Variants in TBXA2R observed in about 807,000 individuals in gnomAD.
The protein encoded by TBXA2R is prostanoid TP receptor.
TBXA2R carries 15 observed loss-of-function variants against 15.6 expected under a neutral mutation model. The observed-to-expected ratio is 0.96, with a 90% CI of 0.64 to 1.48. The LOEUF is 1.48. Ranked by LOEUF, TBXA2R falls within the 40% of genes most tolerant of loss-of-function variation. The pLI, the probability that TBXA2R is intolerant of heterozygous loss-of-function variation, is 0.00. For synonymous variants in TBXA2R, 280 were observed against 241.2 expected (o/e 1.16, Z -1.49); for missense variants, 506 against 491.4 (o/e 1.03, Z -0.28).
chr19:3,600,597 C>A lies in TBXA2R; in HGVS notation c.38G>T (p.Arg13Leu). 6.2e-7 allele frequency: 1 copy of A among 1,612,492 alleles called. No individual in the cohort carries two copies. The highest frequency in any genetic ancestry group is 8.5e-7 in the Non-Finnish European group (1 of 1,179,622). ...CTCCTCCAGGGTAATGTTTGTGGGC[C>A]GGAAACAGGGCCCCAGGGAACTGCC... ...PNGSSLGPCF[R>L]PTNITLEERR... is the part of the protein sequence containing the mutation. The change falls in exon 2 of 3, where the codon CGG (arginine) becomes CTG (leucine). Residue 13 changes from arginine (R) to leucine (L), a missense_variant. By Grantham distance (102) the Arg-to-Leu change is moderately radical. Transcript: ENST00000375190.
In TBXA2R at chr19:3,600,393, G is replaced by C; in HGVS notation, c.242C>G (p.Thr81Ser). ...VLTDFLGLLV[T>S]GTIVVSQHAA... ...GTGCTGGGACACCACGATGGTACCG[G>C]TCACCAGCAGCCCCAGGAAGTCGGT... The change falls in exon 2 of 3, where the codon ACC (threonine) becomes AGC (serine). Residue 81 changes from threonine to serine, a missense_variant. Coordinates refer to ENST00000375190, the MANE Select transcript of TBXA2R (RefSeq NM_001060.6). 1 of 1,613,408 alleles carries C rather than the reference G, an allele frequency of 6.2e-7. No individual in the cohort carries two copies. Among genetic ancestry groups the C allele is most frequent in the South Asian group, 1.1e-5 (1 of 91,090 alleles).
intron 1 of TBXA2R, among the ~76,000 whole-genome samples, chr19:3,603,600 C>CA (rs1166334922): frequency 7.2e-5 from 11 of 152,184 alleles, no homozygotes; most frequent in African/African-American, 2.7e-4. Flanking sequence ...GAGCAACTTC[C>CA]AGTCCCTCCT....
In TBXA2R at chr19:3,594,834, A is replaced by G. The variant is rs200342215; in HGVS notation, c.*854T>C. The G allele has an allele frequency of 2.0e-6, 3 of 1,536,014 alleles. No homozygotes were observed. Among genetic ancestry groups the G allele is most frequent in the Non-Finnish European group, 2.6e-6 (3 of 1,146,254 alleles). On this transcript the variant is annotated 3_prime_UTR_variant, in exon 3 of 3. Coordinates refer to ENST00000375190, the MANE Select transcript of TBXA2R (RefSeq NM_001060.6). ...AAGAAAAGGGGGTGCCCCCGTTCAC[A>G]TTCAATCCTTTCTGGACAGAGCCTT...
intron 2 of TBXA2R, among the ~76,000 whole-genome samples, 159 bp from the exon 3 acceptor site, chr19:3,596,092 G>C (rs768597286): frequency 6.6e-6 from 1 of 152,098 alleles, no homozygotes; most frequent in African/African-American, 2.4e-5. Flanking sequence ...GCAGTGGTGC[G>C]ATCTCAGCTC....
In TBXA2R at chr19:3,594,775, G is replaced by A. The variant is rs796297811; in HGVS notation, c.*913C>T. ...AGATTGAAAACTTCTGGACCCAAAG[G>A]AAAATAAAACCAAAGGCAGAGATAT... On this transcript the variant is annotated 3_prime_UTR_variant, in exon 3 of 3. Coordinates refer to ENST00000375190, the MANE Select transcript of TBXA2R (RefSeq NM_001060.6). 31 of 1,439,394 alleles carry A rather than the reference G, an allele frequency of 2.2e-5. No individual in the cohort carries two copies. In the African/African-American group the frequency reaches 3.1e-4, roughly 14 times the overall value. 89.2% of individuals were successfully genotyped at this position (1,439,394 alleles called of 1,614,324 possible). A position where few individuals can be genotyped will look rare whatever the true frequency, so the allele number is the denominator to read the frequency against.
In TBXA2R at chr19:3,597,091, C is replaced by G. The variant is rs145061524; in HGVS notation, c.787-1158G>C. Among the ~76,000 whole-genome samples the G allele has an allele frequency of 7.0e-3, 1,061 of 151,618 alleles. 19 individuals carry two copies. Among genetic ancestry groups the G allele is most frequent in the African/African-American group, 0.025 (1,019 of 41,354 alleles). Reference sequence around the variant, plus strand: ...AGTAGCTGGGATTACAGGCATGCACCACCACATCTGGCTGATTTTTTTGTA... The same window carrying G: ...AGTAGCTGGGATTACAGGCATGCACGACCACATCTGGCTGATTTTTTTGTA... On this transcript the variant is annotated intron_variant, in intron 2 of 2. Coordinates refer to ENST00000375190, the MANE Select transcript of TBXA2R (RefSeq NM_001060.6).
rs201773530 is a variant in TBXA2R, at chr19:3,600,386, G to C, written c.249C>G (p.Thr83=). The change falls in exon 2 of 3, where the codon ACC becomes ACG. Residue 83 remains threonine (T), a synonymous_variant. Coordinates refer to ENST00000375190, the MANE Select transcript of TBXA2R (RefSeq NM_001060.6). ...TDFLGLLVTG[T]IVVSQHAALF... ...GCGCGGCGTGCTGGGACACCACGATGGTACCGGTCACCAGCAGCCCCAGGA... is the reference window on the plus strand; with the variant it reads ...GCGCGGCGTGCTGGGACACCACGATCGTACCGGTCACCAGCAGCCCCAGGA... 6.2e-7 allele frequency: 1 copy of C among 1,613,446 alleles called. No individual in the cohort carries two copies. The highest frequency in any genetic ancestry group is 8.5e-7 in the Non-Finnish European group (1 of 1,179,778).
intron 1 of TBXA2R, 107 bp from the exon 2 acceptor site, chr19:3,600,824 C>T (rs1051374240): frequency 2.8e-5 from 12 of 429,422 alleles, no homozygotes; most frequent in South Asian, 1.4e-4. Context: ...ATATCCTCTC[C>T]GGTTTTTTTT....
rs1599873026 is a variant in TBXA2R, at chr19:3,600,201, G to A, written c.434C>T (p.Ser145Leu). The A allele has an allele frequency of 6.3e-7, 1 of 1,599,714 alleles. No individual in the cohort carries two copies. The change falls in exon 2 of 3, where the codon TCG (serine) becomes TTG (leucine). Residue 145 changes from serine to leucine, a missense_variant. Ser to Leu is a moderately radical substitution (Grantham distance 145). Coordinates refer to ENST00000375190, the MANE Select transcript of TBXA2R (RefSeq NM_001060.6). ...CACGGTGGCCCAGGCGCGGCGCTGC[G>A]AGGCGACCGCCGGGCGCGAGAAGGG... ...TRPFSRPAVASQRRAWATVGL... is the reference protein window; with the variant it reads ...TRPFSRPAVALQRRAWATVGL...
rs1410679988 is a variant in TBXA2R at position 3,600,327 on chromosome 19, C to T, written c.308G>A (p.Arg103His). ...GACGACGCCCATGAAGCGACAGAGA[C>T]GGCAGCCAGGGTCCACGGCGTGCCA... is the stretch of plus-strand genomic sequence containing the variant. The part of the protein sequence containing the change: ...FEWHAVDPGC[R>H]LCRFMGVVMI... The change falls in exon 2 of 3, where the codon CGT becomes CAT. Residue 103 changes from arginine to histidine, a missense_variant. By Grantham distance (29) the Arg-to-His change is conservative. Coordinates refer to ENST00000375190, the MANE Select transcript of TBXA2R (RefSeq NM_001060.6). 11 of 1,613,084 alleles carry T rather than the reference C, an allele frequency of 6.8e-6. No individual in the cohort carries two copies. Among genetic ancestry groups the T allele is most frequent in the Middle Eastern group, 1.6e-4 (1 of 6,082 alleles).
chr19:3,599,576 C>T (rs931594542), intron 2 of TBXA2R, among the ~76,000 whole-genome samples: 6 of 151,718 alleles, frequency 4.0e-5, no homozygotes, highest in African/African-American at 1.5e-4. Context: ...ATGATCCGCC[C>T]GCCTCGGCCT....
Position 3,595,075 on chromosome 19 carries a change from G to A in TBXA2R, c.*613C>T, listed in dbSNP as rs1400975956. ...AGGCTGGGCCACAGAGTGAGACTCCGTCTAAAAAAAAAAAAAAAAATGGCC... is the reference window on the plus strand; with the variant it reads ...AGGCTGGGCCACAGAGTGAGACTCCATCTAAAAAAAAAAAAAAAAATGGCC... On this transcript the variant is annotated 3_prime_UTR_variant, in exon 3 of 3. Transcript: ENST00000375190. 1.6e-5 allele frequency: 10 copies of A among 626,416 alleles called. No homozygotes were observed. Among genetic ancestry groups the A allele is most frequent in the Admixed American group, 9.2e-5 (3 of 32,722 alleles). 38.8% of individuals were successfully genotyped at this position (626,416 alleles called of 1,614,324 possible). A position where few individuals can be genotyped will look rare whatever the true frequency, so the allele number is the denominator to read the frequency against.
intron 1 of TBXA2R, among the ~76,000 whole-genome samples, chr19:3,602,090 G>T (rs557403123): frequency 1.3e-5 from 2 of 151,936 alleles, no homozygotes; most frequent in Admixed American, 6.6e-5. Flanking sequence ...GCGTGGTGGC[G>T]GGAGCCTGTA....
In TBXA2R at chr19:3,595,342, G is replaced by A. The variant is rs5755; in HGVS notation, c.*346C>T. ...TGCAGTGAGCTGAGATTGCGCCACT[G>A]CACTCCAGCCTGGGGGACAGAGCAA... On this transcript the variant is annotated 3_prime_UTR_variant, in exon 3 of 3. Coordinates refer to ENST00000375190, the MANE Select transcript of TBXA2R (RefSeq NM_001060.6). The A allele has an allele frequency of 1.5e-6, 2 of 1,355,108 alleles. No individual in the cohort carries two copies. The highest frequency in any genetic ancestry group is 2.9e-5 in the African/African-American group (2 of 68,480). The allele number at this position is 1,355,108 out of a possible 1,614,324, so 83.9% of individuals were successfully genotyped here. A position where few individuals can be genotyped will look rare whatever the true frequency, so the allele number is the denominator to read the frequency against.
At position 3,600,441 on chromosome 19, in the gene TBXA2R, G is replaced by T. The variant is rs1335697912; in HGVS notation, c.194C>A (p.Thr65Asn). 1 of 1,613,240 alleles carries T rather than the reference G, an allele frequency of 6.2e-7. No individual in the cohort carries two copies. The highest frequency in any genetic ancestry group is 1.3e-5 in the African/African-American group (1 of 75,030). Residue 65 changes from threonine to asparagine, a missense_variant, in exon 2 of 3, where the codon ACC becomes AAC. Thr to Asn is a moderately conservative substitution (Grantham distance 65). Transcript: ENST00000375190. ...GGSHTRSSFLTFLCGLVLTDF... is the reference protein window; with the variant it reads ...GGSHTRSSFLNFLCGLVLTDF... ...GGTGAGGACGAGGCCGCAGAGGAAG[G>T]TGAGGAAGGAGGAGCGCGTGTGCGA...
chr19:3,600,046 C>G lies in TBXA2R; in HGVS notation c.589G>C (p.Gly197Arg), dbSNP rs750819182. 6.2e-7 allele frequency: 1 copy of G among 1,612,482 alleles called. No individual in the cohort carries two copies. Among genetic ancestry groups the G allele is most frequent in the Non-Finnish European group, 8.5e-7 (1 of 1,179,730 alleles). ...CCGCCCAGCATGGAGAAGAGCAGCC[C>G]GAAGGCCACGTCCCCGGACTCGGCG... ...LGAESGDVAFGLLFSMLGGLS... is the reference protein window; with the variant it reads ...LGAESGDVAFRLLFSMLGGLS... The change falls in exon 2 of 3, where the codon GGG becomes CGG. Residue 197 changes from glycine to arginine, a missense_variant. Coordinates refer to ENST00000375190, the MANE Select transcript of TBXA2R (RefSeq NM_001060.6).
Position 3,595,646 on chromosome 19 carries a change from G to C in TBXA2R, c.*42C>G, listed in dbSNP as rs1190869905. 1.3e-6 allele frequency: 2 copies of C among 1,531,606 alleles called. No homozygotes were observed. Among genetic ancestry groups the C allele is most frequent in the Non-Finnish European group, 1.8e-6 (2 of 1,134,932 alleles). 94.9% of individuals were successfully genotyped at this position (1,531,606 alleles called of 1,614,324 possible). Reference sequence around the variant, plus strand: ...GCAGATGGGCTGTCCGAGGGGCCAAGGGCTCCGCGGAAAGGCGCGGGAGGG... The same window carrying C: ...GCAGATGGGCTGTCCGAGGGGCCAACGGCTCCGCGGAAAGGCGCGGGAGGG... On this transcript the variant is annotated 3_prime_UTR_variant, in exon 3 of 3. Coordinates refer to ENST00000375190, the MANE Select transcript of TBXA2R (RefSeq NM_001060.6).
chr19:3,595,688 C>T lies in TBXA2R; in HGVS notation c.1032G>A (p.Ter344=), dbSNP rs962761036. 2 of 1,582,024 alleles carry T rather than the reference C, an allele frequency of 1.3e-6. No homozygotes were observed. Among genetic ancestry groups the T allele is most frequent in the African/African-American group, 1.3e-5 (1 of 74,608 alleles). The part of the protein sequence containing the change: ...PQLTQRSGLQ[*] ...GCGGGAGGGGCGCTCTGTCCACTTC[C>T]TACTGCAGCCCGGAGCGCTGCGTGA... is the stretch of plus-strand genomic sequence containing the variant. The change falls in exon 3 of 3, where the codon TAG becomes TAA. Residue 344 remains the stop codon, a stop_retained_variant. Coordinates refer to ENST00000375190, the MANE Select transcript of TBXA2R (RefSeq NM_001060.6).
chr19:3,596,331 G>C (rs2032604250), intron 2 of TBXA2R, among the ~76,000 whole-genome samples: 1 of 151,908 alleles, frequency 6.6e-6, no homozygotes, highest in South Asian at 2.1e-4. Flanking sequence ...CGCCCGGCCA[G>C]TGTCCACTCT....
Sources: allele counts gnomAD v4.1 joint callset (sites outside exome capture counted in the v4.1 genomes callset), GRCh38; gene constraint gnomAD v4.1.1; transcripts MANE v1.5; gene names NCBI Gene and HGNC (gene_info 2026-07-23, HGNC 2026-07-21).